The following BFSP1 variants were observed in gnomAD, a reference collection of about 807,000 sequenced individuals.
BFSP1 encodes filensin.
BFSP1 carries 38 observed loss-of-function variants against 43.9 expected under a neutral mutation model. The observed-to-expected ratio is 0.87, with a 90% CI of 0.67 to 1.14. The LOEUF (loss-of-function observed/expected upper bound fraction) is 1.14. Ranked by LOEUF, BFSP1 falls within the 50% of genes most tolerant of loss-of-function variation. The pLI is 0.00. For missense variants in BFSP1, 850 were observed against 875.1 expected, an observed-to-expected ratio of 0.97 and a Z score of 0.36; for synonymous variants, 352 against 354.8, an observed-to-expected ratio of 0.99 and a Z score of 0.09.
At chr20:17,504,296 G>A (rs1020934159) in intron 5 of BFSP1, among the ~76,000 whole-genome samples, 2 of 152,172 alleles carry the variant, frequency 1.3e-5, no homozygotes, top group African/African-American at 4.8e-5. Context: ...TGTCTATACC[G>A]ATGTGGTTTT....
chr20:17,510,149 C>T (rs910728797), intron 4 of BFSP1, among the ~76,000 whole-genome samples: 16 of 152,216 alleles, frequency 1.1e-4, no homozygotes, highest in African/African-American at 3.9e-4. Flanking sequence ...CCTGAGCATG[C>T]ACACGAGTCC....
chr20:17,517,962 C>G (rs369664870), intron 2 of BFSP1, among the ~76,000 whole-genome samples: 3 of 152,230 alleles, frequency 2.0e-5, no homozygotes, highest in African/African-American at 7.2e-5. Flanking sequence ...AAGGAACTCT[C>G]GACAGAAGAA....
At position 17,553,686 on chromosome 20, in the gene BFSP1, C is replaced by T. The variant is rs574997758; in HGVS notation, c.2+5002G>A. Among the ~76,000 whole-genome samples the T allele has an allele frequency of 5.3e-5, 8 of 150,716 alleles. 2 individuals are homozygous for T. The highest frequency in any genetic ancestry group is 2.0e-4 in the African/African-American group (8 of 41,012). ...GGCAAACTACTTTAGATAAGGTGATCATCAAGGCCTTTCGGATTTATTAGT... is the reference window on the plus strand; with the variant it reads ...GGCAAACTACTTTAGATAAGGTGATTATCAAGGCCTTTCGGATTTATTAGT... On this transcript the variant is annotated intron_variant, in intron 1 of 7. Transcript: ENST00000377868.
At chr20:17,497,672 A>G (rs1195961025) in intron 6 of BFSP1, among the ~76,000 whole-genome samples, 2 of 150,988 alleles carry the variant, frequency 1.3e-5, no homozygotes, top group African/African-American at 4.9e-5. Flanking sequence ...ATACGTATAT[A>G]CATATATACA....
chr20:17,524,309 C>T (rs145319147), intron 2 of BFSP1, among the ~76,000 whole-genome samples: 1 of 152,306 alleles, frequency 6.6e-6, no homozygotes, highest in East Asian at 1.9e-4. Flanking sequence ...CTGTAAAGAG[C>T]AACTCCACAT....
chr20:17,500,417 C>T (rs974275651), intron 5 of BFSP1, among the ~76,000 whole-genome samples: 4 of 152,218 alleles, frequency 2.6e-5, no homozygotes, highest in African/African-American at 9.7e-5. Context: ...TGGACAATTC[C>T]TGTCGCCTTG....
chr20:17,560,352 C>T (rs561264407), upstream of BFSP1: 2 of 152,318 alleles, frequency 1.3e-5, no homozygotes, highest in South Asian at 2.1e-4. Flanking sequence ...TTAACAAACA[C>T]TCACTTCCTT....
intron 1 of BFSP1, among the ~76,000 whole-genome samples, chr20:17,530,275 C>T (rs1031420586): frequency 1.3e-5 from 2 of 152,240 alleles, no homozygotes; most frequent in African/African-American, 4.8e-5. Context: ...TTAGCATGCC[C>T]AGGACCTAAA....
At chr20:17,531,630 G>A (rs2034543978), upstream of BFSP1, among the ~76,000 whole-genome samples, 1 of 152,198 alleles carries the variant, frequency 6.6e-6, no homozygotes, top group African/African-American at 2.4e-5. Flanking sequence ...TGGAGGGTCA[G>A]GGGACACGGG....
chr20:17,553,862 C>CATAT (rs376937575), intron 1 of BFSP1, among the ~76,000 whole-genome samples: 12 of 92,762 alleles, frequency 1.3e-4, no homozygotes, highest in South Asian at 6.8e-4. Context: ...TATATATACA[C>CATAT]ATATATATAC....
chr20:17,533,223 T>C (rs2034576540), upstream of BFSP1, among the ~76,000 whole-genome samples: 1 of 152,130 alleles, frequency 6.6e-6, no homozygotes, highest in African/African-American at 2.4e-5. Context: ...TAAAAATACA[T>C]AAAATGTAAT....
intron 1 of BFSP1, among the ~76,000 whole-genome samples, chr20:17,540,019 T>C (rs1197862513): frequency 6.6e-6 from 1 of 152,044 alleles, no homozygotes; most frequent in African/African-American, 2.4e-5. Flanking sequence ...AGTTTAGGAG[T>C]ATACTATACA....
intron 5 of BFSP1, among the ~76,000 whole-genome samples, chr20:17,501,572 A>G (rs2033801850): frequency 1.1e-5 from 1 of 87,510 alleles, no homozygotes; most frequent in Admixed American, 1.2e-4. Flanking sequence ...AGCACCCCAG[A>G]CTGGGTGACA....
intron 1 of BFSP1, among the ~76,000 whole-genome samples, chr20:17,546,890 G>A (rs1348500395): frequency 1.3e-5 from 2 of 151,788 alleles, no homozygotes; most frequent in Non-Finnish European, 2.9e-5. Flanking sequence ...CGGGTGTGGT[G>A]GCAGGTACCT....
In BFSP1 at chr20:17,514,794, T is replaced by C. The variant is rs759710563; in HGVS notation, c.461A>G (p.His154Arg). 3.1e-6 allele frequency: 5 copies of C among 1,614,000 alleles called. No homozygotes were observed. In the South Asian group the frequency reaches 3.3e-5, roughly 11 times the overall value. The change falls in exon 3 of 8, where the codon CAT becomes CGT. Residue 154 changes from histidine (H) to arginine (R), a missense_variant. Transcript: ENST00000377873. ...LNKEADEALL[H>R]NLRLQLEAQF... ...GGCTTCCAGCTGAAGGCGTAGGTTA[T>C]GCAGCAAGGCTTCATCAGCTTCCTG...
chr20:17,496,077 T>C (rs1163321808), intron 7 of BFSP1, among the ~76,000 whole-genome samples: 1 of 152,188 alleles, frequency 6.6e-6, no homozygotes, highest in African/African-American at 2.4e-5. Context: ...ACAAGACCCC[T>C]TGTTCCAAAT....
rs778684291 is a variant in BFSP1, at chr20:17,494,236, G to A, written c.1836C>T (p.Gly612=). The A allele has an allele frequency of 1.2e-6, 2 of 1,614,122 alleles. No individual in the cohort carries two copies. Residue 612 remains glycine (G), a synonymous_variant, in exon 8 of 8, where the codon GGC becomes GGT. Transcript: ENST00000377873. ...GTRSRSLPEK[G]PPKALAYKTV... Reference sequence around the variant, plus strand: ...TCTTATAGGCCAAAGCCTTGGGAGGGCCTTTTTCTGGCAGGCTTCTGCTCC... The same window carrying A: ...TCTTATAGGCCAAAGCCTTGGGAGGACCTTTTTCTGGCAGGCTTCTGCTCC...
At position 17,499,380 on chromosome 20, in the gene BFSP1, C is replaced by T. The variant is rs6080721; in HGVS notation, c.736-340G>A. ...TCAGCCTCCTGAGTAGCTGTGACTA[C>T]AGGCAAGCACCAACATGCTGGGCTT... On this transcript the variant is annotated intron_variant, in intron 5 of 7. Transcript: ENST00000377873. Among the ~76,000 whole-genome samples the T allele has an allele frequency of 0.28, 41,241 of 144,820 alleles. 6,308 individuals are homozygous for T. Among genetic ancestry groups the T allele is most frequent in the African/African-American group, 0.38 (14,845 of 38,994 alleles).
At position 17,494,469 on chromosome 20, in the gene BFSP1, G is replaced by A. The variant is rs768425039; in HGVS notation, c.1603C>T (p.Gln535Ter). 1 of 1,614,216 alleles carries A rather than the reference G, an allele frequency of 6.2e-7. No homozygotes were observed. ...QVGLQEKEDG[Q>*]PIDQQPIDKE... is the part of the protein sequence containing the mutation. ...TCTATAGGCTGCTGGTCAATTGGTT[G>A]TCCATCTTCTTTCTCCTGCAGACCC... The change falls in exon 8 of 8, where the codon CAA becomes TAA. Residue 535 changes from glutamine to a stop codon, truncating the protein, a stop_gained. Transcript: ENST00000377873. LOFTEE classifies it low-confidence loss of function (END_TRUNC).
Sources: gnomAD v4.1 joint callset for allele counts (sites outside exome capture counted in the v4.1 genomes callset) on GRCh38, gnomAD v4.1.1 for gene constraint, MANE v1.5 for transcripts, NCBI Gene and HGNC (gene_info 2026-07-23, HGNC 2026-07-21) for gene names.